Variants in ACIN1 observed in about 807,000 individuals in gnomAD.
ACIN1 encodes the protein apoptotic chromatin condensation inducer 1, also known as apoptotic chromatin condensation inducer in the nucleus.
In ACIN1, 16 loss-of-function variants were observed where a neutral mutation model predicts 146.6. That is an observed-to-expected ratio of 0.11 (90% CI 0.07 to 0.17). ACIN1 has a LOEUF of 0.17. ACIN1 is among the 10% of genes least tolerant of loss of function. ACIN1 has a pLI of 1.00. For missense variants in ACIN1, 1,357 were observed against 1,609.3 expected, an observed-to-expected ratio of 0.84 and a Z score of 2.68; for synonymous variants, 569 against 582.7, an observed-to-expected ratio of 0.98 and a Z score of 0.34.
At chr14:23,063,670 A>G (rs944883624) in intron 12 of ACIN1, 93 bp from the exon 13 acceptor site, 7 of 1,439,648 alleles carry the variant, frequency 4.9e-6, no homozygotes, top group African/African-American at 1.4e-5. Flanking sequence ...GTAGCAGTCA[A>G]TCTAGCATGT....
intron 4 of ACIN1, among the ~76,000 whole-genome samples, chr14:23,087,442 CTT>C (rs78090655): frequency 3.0e-4 from 42 of 139,510 alleles, no homozygotes; most frequent in Non-Finnish European, 2.2e-4. Context: ...TATTTTTCAC[CTT>C]TTTTTTTTTT....
intron 11 of ACIN1, 25 bp from the exon 12 acceptor site, chr14:23,064,282 C>A: frequency 6.2e-7 from 1 of 1,613,954 alleles, no homozygotes; most frequent in Non-Finnish European, 8.5e-7. Flanking sequence ...CCCCCCACCC[C>A]GTTACACTGG....
chr14:23,095,319 A>G (rs760769388), upstream of ACIN1: 30 of 1,565,832 alleles, frequency 1.9e-5, no homozygotes, highest in East Asian at 6.8e-5. Flanking sequence ...TCCGCCCTGC[A>G]GCGCCCCTTT....
chr14:23,064,002 G>A, intron 12 of ACIN1, 103 bp downstream of exon 12: 2 of 1,497,954 alleles, frequency 1.3e-6, no homozygotes, highest in Non-Finnish European at 1.8e-6. Flanking sequence ...CCTCTGCACA[G>A]ACAGGGAAGT....
chr14:23,069,636 G>T lies in ACIN1; in HGVS notation c.2124-19C>A. The T allele has an allele frequency of 1.3e-6, 2 of 1,504,060 alleles. No individual in the cohort carries two copies. Among genetic ancestry groups the T allele is most frequent in the Non-Finnish European group, 1.8e-6 (2 of 1,095,422 alleles). 93.2% of individuals were successfully genotyped at this position (1,504,060 alleles called of 1,614,324 possible). A position where few individuals can be genotyped will look rare whatever the true frequency, so the allele number is the denominator to read the frequency against. On this transcript the variant is annotated intron_variant, in intron 8 of 18. Transcript: ENST00000605057. ...CTCCTCACTGACAGGAGGGGGGAGT[G>T]GTGGTGGGGGGGCGGGCAGAAAAGA...
Position 23,067,904 on chromosome 14 carries a change from G to C in ACIN1, c.2265+1572C>G, listed in dbSNP as rs2047510049. The stretch of plus-strand genomic sequence containing the variant: ...TACCCCAGGACCTGGCAGACATTCA[G>C]CAGCAAGGTCAGAATACTTCTCTTC... On this transcript the variant is annotated intron_variant, in intron 9 of 18. Coordinates refer to ENST00000605057, the MANE Select transcript of ACIN1 (RefSeq NM_001386863.1). The surrounding 1 kb of genome is among the most constrained non-coding windows in gnomAD (Gnocchi z 4.6). 17 of 985,740 alleles carry C rather than the reference G, an allele frequency of 1.7e-5. No homozygotes were observed. Among genetic ancestry groups the C allele is most frequent in the Non-Finnish European group, 1.8e-5 (15 of 829,936 alleles). 61.1% of individuals were successfully genotyped at this position (985,740 alleles called of 1,614,324 possible).
chr14:23,068,109 A>G lies in ACIN1; in HGVS notation c.2265+1367T>C, dbSNP rs1003105268. 4 of 985,852 alleles carry G rather than the reference A, an allele frequency of 4.1e-6. No homozygotes were observed. The highest frequency in any genetic ancestry group is 2.4e-6 in the Non-Finnish European group (2 of 829,958). 61.1% of individuals were successfully genotyped at this position (985,852 alleles called of 1,614,324 possible). ...CCATCTGATGAGCAAGTGGTGACAC[A>G]TGGGCTGGGCTGTCATCAGCATTAA... On this transcript the variant is annotated intron_variant, in intron 9 of 18. Transcript: ENST00000605057. This position sits in a 1 kb window ranked among gnomAD's most constrained non-coding sequence, Gnocchi z 4.3.
chr14:23,079,664 G>A lies in ACIN1; in HGVS notation c.1671C>T (p.Ala557=), dbSNP rs1473451599. 1 of 1,613,988 alleles carries A rather than the reference G, an allele frequency of 6.2e-7. No homozygotes were observed. The highest frequency in any genetic ancestry group is 8.5e-7 in the Non-Finnish European group (1 of 1,180,018). The part of the protein sequence containing the change: ...SPLRSKQRDV[A]QARTHANPRG... ...GAGGGTTGGCATGAGTACGTGCCTG[G>A]GCTACATCTCTCTGCTTGGATCTGA... The change falls in exon 6 of 19, where the codon GCC becomes GCT. Residue 557 remains alanine (A), a synonymous_variant. Coordinates refer to ENST00000605057, the MANE Select transcript of ACIN1 (RefSeq NM_001386863.1).
intron 8 of ACIN1, chr14:23,076,396 T>C (rs906998571): frequency 1.3e-5 from 2 of 152,194 alleles, no homozygotes; most frequent in African/African-American, 4.8e-5. Context: ...AAGATGCCAC[T>C]TGCCTATCAT....
In ACIN1 at chr14:23,078,802, G is replaced by A. The variant is rs1437443418; in HGVS notation, c.2007+18C>T. On this transcript the variant is annotated intron_variant, in intron 7 of 18. Coordinates refer to ENST00000605057, the MANE Select transcript of ACIN1 (RefSeq NM_001386863.1). ...TTAATCCTCCATCTCTGTGTAGGGAGGGGTCACAATAGCCTACCCGCTCAG... is the reference window on the plus strand; with the variant it reads ...TTAATCCTCCATCTCTGTGTAGGGAAGGGTCACAATAGCCTACCCGCTCAG... 3.1e-6 allele frequency: 5 copies of A among 1,608,668 alleles called. No homozygotes were observed. Among genetic ancestry groups the A allele is most frequent in the Non-Finnish European group, 4.2e-6 (5 of 1,177,372 alleles).
intron 8 of ACIN1, among the ~76,000 whole-genome samples, chr14:23,072,277 G>C (rs2047682739): frequency 6.6e-6 from 1 of 152,150 alleles, no homozygotes; most frequent in East Asian, 1.9e-4. Context: ...TTGTTTTATA[G>C]AGTCTTTAAT....
rs984533786 is a variant in ACIN1, at chr14:23,068,524, C to A, written c.2265+952G>T. 1 of 985,776 alleles carries A rather than the reference C, an allele frequency of 1.0e-6. No homozygotes were observed. The highest frequency in any genetic ancestry group is 1.7e-5 in the African/African-American group (1 of 57,232). The allele number at this position is 985,776 out of a possible 1,614,324, so 61.1% of individuals were successfully genotyped here. A position where few individuals can be genotyped will look rare whatever the true frequency, so the allele number is the denominator to read the frequency against. ...CCATCACAGGAGCCCATATACATGC[C>A]CCCCTCTGGCCAAGACACCTGGATA... On this transcript the variant is annotated intron_variant, in intron 9 of 18. Coordinates refer to ENST00000605057, the MANE Select transcript of ACIN1 (RefSeq NM_001386863.1). The surrounding 1 kb of genome is among the most constrained non-coding windows in gnomAD (Gnocchi z 4.3).
At chr14:23,061,712 G>T (rs569873420) in intron 16 of ACIN1, 90 bp from the exon 17 acceptor site, 3 of 1,211,044 alleles carry the variant, frequency 2.5e-6, no homozygotes, top group Non-Finnish European at 3.4e-6. Flanking sequence ...GGTGGCTCAC[G>T]CCTGTAATCC....
At chr14:23,075,359 C>A (rs1019558440) in intron 8 of ACIN1, among the ~76,000 whole-genome samples, 1 of 143,944 alleles carries the variant, frequency 6.9e-6, no homozygotes, top group Admixed American at 7.0e-5. Context: ...AAAGAGAATA[C>A]CATTATTTTC....
Position 23,068,168 on chromosome 14 carries a change from A to G in ACIN1, c.2265+1308T>C, listed in dbSNP as rs1367849600. 1 of 985,824 alleles carries G rather than the reference A, an allele frequency of 1.0e-6. No individual in the cohort carries two copies. Among genetic ancestry groups the G allele is most frequent in the East Asian group, 1.1e-4 (1 of 8,832 alleles). 61.1% of individuals were successfully genotyped at this position (985,824 alleles called of 1,614,324 possible). On this transcript the variant is annotated intron_variant, in intron 9 of 18. Transcript: ENST00000605057. This position sits in a 1 kb window ranked among gnomAD's most constrained non-coding sequence, Gnocchi z 4.3. ...GGGCTCAGACCCTAGACTCCTCTGC[A>G]CGGTTCCTAGTCGTCACAGCTTAAG...
chr14:23,094,884 C>G (rs1011664290), intron 1 of ACIN1, 91 bp downstream of exon 1: 1 of 1,487,056 alleles, frequency 6.7e-7, no homozygotes, highest in African/African-American at 1.4e-5. Context: ...CGAGCTCGCG[C>G]CGAGCCCGGA....
At chr14:23,059,805 G>C (rs1450187418) in intron 18 of ACIN1, among the ~76,000 whole-genome samples, 6 of 151,314 alleles carry the variant, frequency 4.0e-5, no homozygotes, top group Admixed American at 2.0e-4. Context: ...AGGCGCCCGC[G>C]ACCACGCCCG....
chr14:23,061,012 C>T, intron 18 of ACIN1, 72 bp downstream of exon 18: 1 of 1,435,050 alleles, frequency 7.0e-7, no homozygotes, highest in Non-Finnish European at 9.8e-7. Flanking sequence ...CTCGCAGTCA[C>T]ATGAATCTCC....
intron 8 of ACIN1, among the ~76,000 whole-genome samples, chr14:23,074,192 T>C (rs2047740848): frequency 1.3e-5 from 2 of 151,842 alleles, no homozygotes; most frequent in Admixed American, 6.6e-5. Context: ...TTTACCCTCT[T>C]AAGACACAAG....
Sources: allele counts gnomAD v4.1 joint callset (sites outside exome capture counted in the v4.1 genomes callset), GRCh38; gene constraint gnomAD v4.1.1; non-coding constraint Gnocchi (gnomAD v3.1); transcripts MANE v1.5; gene names NCBI Gene and HGNC (gene_info 2026-07-23, HGNC 2026-07-21).